The following CELSR3 variants were observed in gnomAD, a reference collection of about 807,000 sequenced individuals.
CELSR3 encodes the protein EGF-like protein 1.
Under a neutral mutation model 270.0 loss-of-function variants are expected in CELSR3, and 73 were observed. The ratio of observed to expected loss-of-function variants is 0.27; its 90% CI spans 0.22 to 0.33. The LOEUF is 0.33. CELSR3 is among the 10% of genes least tolerant of loss of function. CELSR3 has a pLI of 1.00. For missense variants in CELSR3, 3,614 were observed against 4,533.8 expected, an observed-to-expected ratio of 0.80 and a Z score of 5.83; for synonymous variants, 1,780 against 1,905.4, an observed-to-expected ratio of 0.93 and a Z score of 1.71.
rs1209027615 is a variant in CELSR3, at chr3:48,641,069, AAC to A, written c.9025+253_9025+254del. On this transcript the variant is annotated intron_variant, in intron 33 of 34. Transcript: ENST00000164024. This position sits in a 1 kb window ranked among gnomAD's most constrained non-coding sequence, Gnocchi z 4.8. Reference sequence around the variant, plus strand: ...GAAGCAGCTCCTAGGGTCTCTGAAAAACAGATGGGCTGGGGCAGGAGTGGTCG... The same window carrying A: ...GAAGCAGCTCCTAGGGTCTCTGAAAAAGATGGGCTGGGGCAGGAGTGGTCG... 1.2e-5 allele frequency: 6 copies of A among 511,608 alleles called. No homozygotes were observed. Among genetic ancestry groups the A allele is most frequent in the Non-Finnish European group, 2.1e-5 (6 of 288,826 alleles). The allele number at this position is 511,608 out of a possible 1,614,324, so 31.7% of individuals were successfully genotyped here. A position where few individuals can be genotyped will look rare whatever the true frequency, so the allele number is the denominator to read the frequency against.
Position 48,662,369 on chromosome 3 carries a change from C to G in CELSR3, c.266G>C (p.Arg89Pro), listed in dbSNP as rs775089853. The change falls in exon 1 of 35, where the codon CGA becomes CCA. Residue 89 changes from arginine (R) to proline (P), a missense_variant. Coordinates refer to ENST00000164024, the MANE Select transcript of CELSR3 (RefSeq NM_001407.3). The surrounding 1 kb of genome is among the most constrained non-coding windows in gnomAD (Gnocchi z 7.1). The stretch of plus-strand genomic sequence containing the variant: ...ATTCCGGGCGCTTTGCCTTCTCCCT[C>G]GGAGCCCCACGAAGATAGGCTCCCT... ...GVREPIFVGLRGRRQSARNSR... is the reference protein window; with the variant it reads ...GVREPIFVGLPGRRQSARNSR... 2.5e-6 allele frequency: 4 copies of G among 1,613,026 alleles called. No individual in the cohort carries two copies. The South Asian group carries it at 4.4e-5, about 18-fold the overall frequency.
At chr3:48,649,589 G>A (rs1302918672) in intron 16 of CELSR3, among the ~76,000 whole-genome samples, 4 of 152,088 alleles carry the variant, frequency 2.6e-5, no homozygotes, top group South Asian at 2.1e-4. Flanking sequence ...ATGCTCTCTC[G>A]CACACACACA....
chr3:48,646,231 G>A lies in CELSR3; in HGVS notation c.7322C>T (p.Ser2441Phe), dbSNP rs1407916924. ...GAACACAGCCACGCTGACCACCGGG[G>A]AGTTCATGACGGGGTTCTGAGGAAG... Reference protein sequence around the residue: ...ARLPQNPVMNSPVVSVAVFHG... With the variant: ...ARLPQNPVMNFPVVSVAVFHG... Residue 2441 changes from serine to phenylalanine, a missense_variant, in exon 22 of 35, where the codon TCC becomes TTC. By Grantham distance (155) the Ser-to-Phe change is radical. This residue lies in a region of CELSR3 where 1,240 missense variants were observed against 1,351.7 expected (regional missense o/e 0.92). Transcript: ENST00000164024. The surrounding 1 kb of genome is among the most constrained non-coding windows in gnomAD (Gnocchi z 4.8). 6.2e-7 allele frequency: 1 copy of A among 1,612,486 alleles called. No individual in the cohort carries two copies. Among genetic ancestry groups the A allele is most frequent in the Non-Finnish European group, 8.5e-7 (1 of 1,179,732 alleles).
Position 48,654,135 on chromosome 3 carries a change from G to A in CELSR3, c.5153-132C>T. On this transcript the variant is annotated intron_variant, in intron 7 of 34. Coordinates refer to ENST00000164024, the MANE Select transcript of CELSR3 (RefSeq NM_001407.3). The surrounding 1 kb of genome is among the most constrained non-coding windows in gnomAD (Gnocchi z 5.4). ...CCCATTTCCCATTTTCTTTCGATGAGTGGGGTTGGTAAGAGTCAGGCCCTA... is the reference window on the plus strand; with the variant it reads ...CCCATTTCCCATTTTCTTTCGATGAATGGGGTTGGTAAGAGTCAGGCCCTA... The A allele has an allele frequency of 6.7e-7, 1 of 1,495,610 alleles. No homozygotes were observed. 92.6% of individuals were successfully genotyped at this position (1,495,610 alleles called of 1,614,324 possible).
At position 48,647,952 on chromosome 3, in the gene CELSR3, C is replaced by A. The variant is rs761677735; in HGVS notation, c.7018G>T (p.Ala2340Ser). The A allele has an allele frequency of 5.0e-6, 8 of 1,611,830 alleles. No individual in the cohort carries two copies. ...CTATGGTAGCGAGGGTAGCGACGGG[C>A]CCCCCGGGGAGAACTGGGGTGCTCC... Reference protein sequence around the residue: ...RMEHPSSPRGARRYPRYHSNL... With the variant: ...RMEHPSSPRGSRRYPRYHSNL... The change falls in exon 20 of 35, where the codon GCC becomes TCC. Residue 2340 changes from alanine (A) to serine (S), a missense_variant. Physicochemically the swap from Ala to Ser is moderately conservative, Grantham distance 99 (BLOSUM62 1). Around this residue, in one of 7 missense-constraint regions of CELSR3, gnomAD observed 1,240 missense variants for 1,351.7 expected, o/e 0.92. Coordinates refer to ENST00000164024, the MANE Select transcript of CELSR3 (RefSeq NM_001407.3).
chr3:48,640,164 G>A lies in CELSR3; in HGVS notation c.9421C>T (p.Arg3141Trp), dbSNP rs371763562. The A allele has an allele frequency of 1.2e-5, 20 of 1,612,656 alleles. 1 individual carries two copies. Among genetic ancestry groups the A allele is most frequent in the Middle Eastern group, 1.7e-4 (1 of 6,060 alleles). Residue 3141 changes from arginine to tryptophan, a missense_variant, in exon 34 of 35, where the codon CGG becomes TGG. Coordinates refer to ENST00000164024, the MANE Select transcript of CELSR3 (RefSeq NM_001407.3). The surrounding 1 kb of genome is among the most constrained non-coding windows in gnomAD (Gnocchi z 7.5). ...GGTGCCCCTAAGTCGAGCGCATCCC[G>A]TGACCCGAAGCGGCCAGCCATGGCG... ...PGAMAGRFGS[R>W]DALDLGAPRE...
At chr3:48,649,338 T>G in intron 16 of CELSR3, 123 bp from the exon 17 acceptor site, 7 of 807,698 alleles carry the variant, frequency 8.7e-6, no homozygotes, top group South Asian at 1.7e-5. Context: ...TGAGCATCTA[T>G]AGCTGCACCC....
rs771233173 is a variant in CELSR3, at chr3:48,661,830, G to T, written c.805C>A (p.Pro269Thr). Residue 269 changes from proline to threonine, a missense_variant, in exon 1 of 35, where the codon CCC (proline) becomes ACC (threonine). This residue lies in a region of CELSR3 where 470 missense variants were observed against 469.7 expected (regional missense o/e 1.00). Coordinates refer to ENST00000164024, the MANE Select transcript of CELSR3 (RefSeq NM_001407.3). ...GSAPRESRTA[P>T]EPAPKRMRSR... ...CGCATGCGCTTGGGCGCCGGCTCGG[G>T]AGCTGTCCGAGACTCGCGGGGTGCT... 7.5e-6 allele frequency: 12 copies of T among 1,609,866 alleles called. No individual in the cohort carries two copies. In the South Asian group the frequency reaches 1.3e-4, roughly 18 times the overall value.
At position 48,657,066 on chromosome 3, in the gene CELSR3, C is replaced by T. The variant is rs1190909574; in HGVS notation, c.4031G>A (p.Gly1344Glu). The change falls in exon 2 of 35, where the codon GGG becomes GAG. Residue 1344 changes from glycine (G) to glutamate (E), a missense_variant. Transcript: ENST00000164024. The surrounding 1 kb of genome is among the most constrained non-coding windows in gnomAD (Gnocchi z 5.4). ...CAGCTCCTCGGAGCTGAACCAGGGC[C>T]CTGCAGCGCCCGCCCCGGCCCCACG... ...APRGAGAGAA[G>E]PWFSSEELQE... 1.9e-6 allele frequency: 3 copies of T among 1,613,736 alleles called. No homozygotes were observed. In the South Asian group the frequency reaches 3.3e-5, roughly 18 times the overall value.
rs1216698308 is a variant in CELSR3, at chr3:48,646,129, C to T, written c.7424G>A (p.Arg2475Gln). The T allele has an allele frequency of 5.6e-6, 9 of 1,612,748 alleles. No individual in the cohort carries two copies. The highest frequency in any genetic ancestry group is 2.2e-5 in the East Asian group (1 of 44,898). Residue 2475 changes from arginine to glutamine, a missense_variant, in exon 22 of 35, where the codon CGG (arginine) becomes CAG (glutamine). This residue lies in a region of CELSR3 where 1,240 missense variants were observed against 1,351.7 expected (regional missense o/e 0.92). Transcript: ENST00000164024. The surrounding 1 kb of genome is among the most constrained non-coding windows in gnomAD (Gnocchi z 4.8). ...CCACTGCACACAGATCGCCTTGCTC[C>T]GATTCGCTGTCTGTAGCAGGCGAAA... ...LEFRLLQTAN[R>Q]SKAICVQWDP...
Position 48,650,432 on chromosome 3 carries a change from C to CCGGGGGGGGGGGGG in CELSR3, c.6472+47_6472+48insCCCCCCCCCCCCCG. On this transcript the variant is annotated intron_variant, in intron 16 of 34. Transcript: ENST00000164024. This position sits in a 1 kb window ranked among gnomAD's most constrained non-coding sequence, Gnocchi z 5.1. ...AGACATGGCTCTAGCAGTCAGAGTA[C>CCGGGGGGGGGGGGG]AGGCCCACCCCCACCCTCAGTGATG... 9.1e-6 allele frequency: 11 copies of CCGGGGGGGGGGGGG among 1,208,936 alleles called. No individual in the cohort carries two copies. Among genetic ancestry groups the CCGGGGGGGGGGGGG allele is most frequent in the East Asian group, 5.6e-5 (2 of 35,582 alleles). 74.9% of individuals were successfully genotyped at this position (1,208,936 alleles called of 1,614,324 possible). A position where few individuals can be genotyped will look rare whatever the true frequency, so the allele number is the denominator to read the frequency against.
Position 48,640,735 on chromosome 3 carries a change from G to A in CELSR3, c.9026-176C>T. On this transcript the variant is annotated intron_variant, in intron 33 of 34. Coordinates refer to ENST00000164024, the MANE Select transcript of CELSR3 (RefSeq NM_001407.3). This position sits in a 1 kb window ranked among gnomAD's most constrained non-coding sequence, Gnocchi z 7.5. ...GTGGTCCCAGAGAGGCAGCAGGACA[G>A]GGGTCAGAGTGGAAGGGCAGTCATC... 1 of 672,144 alleles carries A rather than the reference G, an allele frequency of 1.5e-6. No individual in the cohort carries two copies. The allele number at this position is 672,144 out of a possible 1,614,324, so 41.6% of individuals were successfully genotyped here. A position where few individuals can be genotyped will look rare whatever the true frequency, so the allele number is the denominator to read the frequency against.
At chr3:48,648,238 GC>G in intron 19 of CELSR3, 27 bp downstream of exon 19, 1 of 1,342,626 alleles carries the variant, frequency 7.4e-7, no homozygotes, top group Non-Finnish European at 1.1e-6. Context: ...CCCCTGCTGT[GC>G]CCCGCCCTAC....
chr3:48,653,539 C>A lies in CELSR3; in HGVS notation c.5448+80G>T. ...CTGGCAGAAAAGTATGCTGTGTGACCAACCTGAACCCACAAGAATGTCAGT... is the reference window on the plus strand; with the variant it reads ...CTGGCAGAAAAGTATGCTGTGTGACAAACCTGAACCCACAAGAATGTCAGT... On this transcript the variant is annotated intron_variant, in intron 9 of 34. Transcript: ENST00000164024. The surrounding 1 kb of genome is among the most constrained non-coding windows in gnomAD (Gnocchi z 6.5). The A allele has an allele frequency of 6.5e-7, 1 of 1,537,274 alleles. No individual in the cohort carries two copies. Among genetic ancestry groups the A allele is most frequent in the Non-Finnish European group, 8.9e-7 (1 of 1,129,062 alleles).
chr3:48,647,044 G>A, intron 20 of CELSR3, 116 bp from the exon 21 acceptor site: 1 of 980,102 alleles, frequency 1.0e-6, no homozygotes, highest in Admixed American at 3.5e-5. Flanking sequence ...CAGAATTGGG[G>A]AGTGCAGGGA....
Position 48,648,272 on chromosome 3 carries a change from T to G in CELSR3, c.6967A>C (p.Asn2323His). 1.2e-6 allele frequency: 2 copies of G among 1,602,942 alleles called. No individual in the cohort carries two copies. Among genetic ancestry groups the G allele is most frequent in the Admixed American group, 1.7e-5 (1 of 59,762 alleles). ...TACCCCACCCACAACGCACTGATAT[T>G]AGGCGTCACCAGCCCCATGGGATTC... The part of the protein sequence containing the change: ...YLNPMGLVTP[N>H]IMLSIDRMEH... Residue 2323 changes from asparagine (N) to histidine (H), a missense_variant, in exon 19 of 35, where the codon AAT becomes CAT. Around this residue, in one of 7 missense-constraint regions of CELSR3, gnomAD observed 1,240 missense variants for 1,351.7 expected, o/e 0.92. Coordinates refer to ENST00000164024, the MANE Select transcript of CELSR3 (RefSeq NM_001407.3).
In CELSR3 at chr3:48,650,444, C is replaced by A; in HGVS notation, c.6472+36G>T. On this transcript the variant is annotated intron_variant, in intron 16 of 34. Coordinates refer to ENST00000164024, the MANE Select transcript of CELSR3 (RefSeq NM_001407.3). The surrounding 1 kb of genome is among the most constrained non-coding windows in gnomAD (Gnocchi z 5.1). Reference sequence around the variant, plus strand: ...AGCAGTCAGAGTACAGGCCCACCCCCACCCTCAGTGATGTCCTTTCCCCCC... The same window carrying A: ...AGCAGTCAGAGTACAGGCCCACCCCAACCCTCAGTGATGTCCTTTCCCCCC... 2 of 1,042,058 alleles carry A rather than the reference C, an allele frequency of 1.9e-6. No individual in the cohort carries two copies. The highest frequency in any genetic ancestry group is 2.9e-6 in the Non-Finnish European group (2 of 701,444). The allele number at this position is 1,042,058 out of a possible 1,614,324, so 64.6% of individuals were successfully genotyped here.
In CELSR3 at chr3:48,646,888, TGAG is replaced by T; in HGVS notation, c.7167_7169del (p.Ser2391del). The T allele has an allele frequency of 6.4e-7, 1 of 1,574,116 alleles. No individual in the cohort carries two copies. Among genetic ancestry groups the T allele is most frequent in the East Asian group, 2.3e-5 (1 of 42,708 alleles). Reference sequence around the variant, plus strand: ...GCGGGGCTGGTGGGGGGACCACACTTGAGGTGGTGGAGTTTTCTATGCTGCTGC... The same window carrying T: ...GCGGGGCTGGTGGGGGGACCACACTTGTGGTGGAGTTTTCTATGCTGCTGC... On this transcript the variant is annotated inframe_deletion, in exon 21 of 35. Coordinates refer to ENST00000164024, the MANE Select transcript of CELSR3 (RefSeq NM_001407.3). The surrounding 1 kb of genome is among the most constrained non-coding windows in gnomAD (Gnocchi z 4.8).
Position 48,655,201 on chromosome 3 carries a change from G to A in CELSR3, c.4831C>T (p.Pro1611Ser). ...HTVHLRYYNKPRTDALGGAQG... is the reference protein window; with the variant it reads ...HTVHLRYYNKSRTDALGGAQG... The stretch of plus-strand genomic sequence containing the variant: ...GCACCCCCTAGGGCATCTGTCCGGG[G>A]CTGAAGACGCAGGCACACCAGTCAA... Residue 1611 changes from proline (P) to serine (S), a missense_variant and splice_region_variant, in exon 6 of 35, where the codon CCC (proline) becomes TCC (serine). By Grantham distance (74) the Pro-to-Ser change is moderately conservative. Transcript: ENST00000164024. This position sits in a 1 kb window ranked among gnomAD's most constrained non-coding sequence, Gnocchi z 5.8. 6.2e-7 allele frequency: 1 copy of A among 1,613,992 alleles called. No homozygotes were observed. The highest frequency in any genetic ancestry group is 8.5e-7 in the Non-Finnish European group (1 of 1,179,918).
Sources: allele counts gnomAD v4.1 joint callset (sites outside exome capture counted in the v4.1 genomes callset), GRCh38; gene constraint gnomAD v4.1.1; regional missense constraint gnomAD v4.1.1; non-coding constraint Gnocchi (gnomAD v3.1); transcripts MANE v1.5; gene names NCBI Gene and HGNC (gene_info 2026-07-23, HGNC 2026-07-21).